The following GBF1 variants were observed in gnomAD, a reference collection of about 807,000 sequenced individuals.
GBF1 encodes golgi brefeldin A resistant guanine nucleotide exchange factor 1.
A neutral mutation model predicts 210.5 loss-of-function variants in GBF1; 114 were observed. The ratio of observed to expected loss-of-function variants is 0.54; its 90% confidence interval spans 0.47 to 0.63. The LOEUF (loss-of-function observed/expected upper bound fraction) is 0.63. Among genes scored for constraint, GBF1 ranks in the 30% least tolerant of loss-of-function variants. GBF1 has a pLI of 0.00. For synonymous variants in GBF1, 850 were observed against 889.2 expected (o/e 0.96, Z 0.78); for missense variants, 1,851 against 2,357.7 (o/e 0.79, Z 4.45).
At chr10:102,352,939 C>A (rs958655427) in intron 7 of GBF1, among the ~76,000 whole-genome samples, 1 of 152,086 alleles carries the variant, frequency 6.6e-6, no homozygotes, top group African/African-American at 2.4e-5. Context: ...CCTGGCAAAC[C>A]CCCCTCAGTC....
At chr10:102,275,375 A>C (rs1426393647) in intron 3 of GBF1, among the ~76,000 whole-genome samples, 2 of 152,162 alleles carry the variant, frequency 1.3e-5, no homozygotes, top group Non-Finnish European at 2.9e-5. Flanking sequence ...ACATTTCATC[A>C]TATATTTGTC....
chr10:102,231,882 C>G, the GBF1 span: 5 of 1,562,024 alleles, frequency 3.2e-6, no homozygotes, highest in East Asian at 1.1e-4. Context: ...CTGGCTCCCA[C>G]CGGGGCTGCC....
At chr10:102,338,914 G>A (rs2057970564) in intron 3 of GBF1, among the ~76,000 whole-genome samples, 1 of 152,092 alleles carries the variant, frequency 6.6e-6, no homozygotes, top group Non-Finnish European at 1.5e-5. Flanking sequence ...AAGATATCAT[G>A]TCTCCCCAAA....
At chr10:102,297,939 G>C (rs150581158) in intron 3 of GBF1, among the ~76,000 whole-genome samples, 2 of 151,908 alleles carry the variant, frequency 1.3e-5, no homozygotes, top group Non-Finnish European at 1.5e-5. Context: ...TTGGTTTTTG[G>C]TTTTGGTTTT....
chr10:102,363,578 G>A lies in GBF1; in HGVS notation c.2018-132G>A. ...AGTTGATAGGACTTCCAGGGAAGTG[G>A]AAGACTGGTGAGGACAAGATTTCTG... On this transcript the variant is annotated intron_variant, in intron 16 of 39. Coordinates refer to ENST00000369983, the MANE Select transcript of GBF1 (RefSeq NM_001377137.1). The surrounding 1 kb of genome is among the most constrained non-coding windows in gnomAD (Gnocchi z 4.2). 1 of 811,568 alleles carries A rather than the reference G, an allele frequency of 1.2e-6. No homozygotes were observed. 50.3% of individuals were successfully genotyped at this position (811,568 alleles called of 1,614,324 possible).
chr10:102,376,298 T>G lies in GBF1; in HGVS notation c.3913T>G (p.Ser1305Ala). ...GGCCCAGTCAGATAGTGAGCTCCCATCCTACCATCAGAATGACGTGAGCCT... is the reference window on the plus strand; with the variant it reads ...GGCCCAGTCAGATAGTGAGCTCCCAGCCTACCATCAGAATGACGTGAGCCT... ...AGAQSDSELPSYHQNDVSLDR... is the reference protein window; with the variant it reads ...AGAQSDSELPAYHQNDVSLDR... The change falls in exon 31 of 40, where the codon TCC becomes GCC. Residue 1305 changes from serine (S) to alanine (A), a missense_variant. Ser to Ala is a moderately conservative substitution (Grantham distance 99). Transcript: ENST00000369983. 2 of 1,613,984 alleles carry G rather than the reference T, an allele frequency of 1.2e-6. No individual in the cohort carries two copies. The highest frequency in any genetic ancestry group is 1.7e-6 in the Non-Finnish European group (2 of 1,179,934).
intron 3 of GBF1, among the ~76,000 whole-genome samples, chr10:102,305,175 TTGTGTGTGTGTGTG>T (rs60026956): frequency 5.5e-4 from 77 of 139,742 alleles, no homozygotes; most frequent in East Asian, 2.3e-3. Context: ...ATATGCAGAT[TTGTGTGTGTGTGTG>T]TGTGTGTGTG....
At chr10:102,267,611 T>C (rs773698078) in intron 3 of GBF1, among the ~76,000 whole-genome samples, 1 of 152,232 alleles carries the variant, frequency 6.6e-6, no homozygotes, top group Non-Finnish European at 1.5e-5. Flanking sequence ...CAGGGGTCTA[T>C]AGTTTAGGGA....
rs2135049644 is a variant in GBF1 at position 102,361,976 on chromosome 10, A to G, written c.1686+64A>G. The G allele has an allele frequency of 4.7e-6, 4 of 854,808 alleles. 1 individual carries two copies. The highest frequency in any genetic ancestry group is 6.9e-6 in the Non-Finnish European group (4 of 576,616). The allele number at this position is 854,808 out of a possible 1,614,324, so 53.0% of individuals were successfully genotyped here. ...TTATAAAGGAAATCTCCCTGGTGGT[A>G]GTGAGGATGTTACATACAGAGAGGG... On this transcript the variant is annotated intron_variant, in intron 14 of 39. Coordinates refer to ENST00000369983, the MANE Select transcript of GBF1 (RefSeq NM_001377137.1).
At chr10:102,262,313 T>C (rs2073339865) in intron 3 of GBF1, among the ~76,000 whole-genome samples, 1 of 152,166 alleles carries the variant, frequency 6.6e-6, no homozygotes, top group Non-Finnish European at 1.5e-5. Flanking sequence ...GGTACTTGAG[T>C]GCTTTAGAAT....
At chr10:102,288,002 C>T (rs374382137) in intron 3 of GBF1, among the ~76,000 whole-genome samples, 1 of 152,154 alleles carries the variant, frequency 6.6e-6, no homozygotes, top group Non-Finnish European at 1.5e-5. Flanking sequence ...TTCTCCCAAA[C>T]CTTTATGTCT....
upstream of GBF1, chr10:102,241,581 C>A (rs2070539813): frequency 6.6e-6 from 1 of 152,440 alleles, no homozygotes; most frequent in African/African-American, 2.4e-5. The surrounding 1 kb of genome is among the most constrained non-coding windows in gnomAD (Gnocchi z 6.7). Context: ...GCGAGCCGCG[C>A]GCGTCAGGCC....
upstream of GBF1, among the ~76,000 whole-genome samples, chr10:102,240,531 G>A (rs1476306408): frequency 6.6e-6 from 1 of 152,242 alleles, no homozygotes; most frequent in Non-Finnish European, 1.5e-5. Flanking sequence ...CAGCAGCTGG[G>A]CAGGCGCTGC....
At chr10:102,353,737 A>G in intron 8 of GBF1, 83 bp downstream of exon 8, 1 of 965,136 alleles carries the variant, frequency 1.0e-6, no homozygotes, top group East Asian at 2.4e-5. Flanking sequence ...CTTGCTTAGC[A>G]AAGATATGCT....
intron 3 of GBF1, among the ~76,000 whole-genome samples, chr10:102,266,439 G>A (rs1190009922): frequency 6.6e-6 from 1 of 152,104 alleles, no homozygotes; most frequent in African/African-American, 2.4e-5. Context: ...TACTTAGGAA[G>A]TGGGTCTGTA....
rs531825571 is a variant in GBF1 at position 102,260,744 on chromosome 10, T to C, written c.163+628T>C. Among the ~76,000 whole-genome samples, 383 of 152,074 alleles carry C rather than the reference T, an allele frequency of 2.5e-3. 1 individual carries two copies. The highest frequency in any genetic ancestry group is 4.0e-3 in the Non-Finnish European group (273 of 68,000). ...CCACTGCCTCGGCCTCTGAAAGTGCTGGGATTACAGGAATGAGCCACTGCG... is the reference window on the plus strand; with the variant it reads ...CCACTGCCTCGGCCTCTGAAAGTGCCGGGATTACAGGAATGAGCCACTGCG... On this transcript the variant is annotated intron_variant, in intron 3 of 39. Coordinates refer to ENST00000369983, the MANE Select transcript of GBF1 (RefSeq NM_001377137.1).
At chr10:102,301,133 C>G (rs1448912782) in intron 3 of GBF1, among the ~76,000 whole-genome samples, 3 of 152,042 alleles carry the variant, frequency 2.0e-5, no homozygotes, top group African/African-American at 7.2e-5. Flanking sequence ...CTGTGGCCTT[C>G]CGCAGTGTTT....
chr10:102,362,302 C>T (rs999491868), intron 14 of GBF1, among the ~76,000 whole-genome samples, 173 bp from the exon 15 acceptor site: 7 of 151,792 alleles, frequency 4.6e-5, no homozygotes, highest in Admixed American at 6.6e-5. Flanking sequence ...GTGATCCACC[C>T]GCCTCGGCCT....
intron 1 of GBF1, among the ~76,000 whole-genome samples, chr10:102,251,568 A>G (rs2071539777): frequency 6.6e-6 from 1 of 152,026 alleles, no homozygotes; most frequent in South Asian, 2.1e-4. Context: ...TCATTTATTT[A>G]TTTGAGGCAG....
Sources: allele counts gnomAD v4.1 joint callset (sites outside exome capture counted in the v4.1 genomes callset), GRCh38; gene constraint gnomAD v4.1.1; non-coding constraint Gnocchi (gnomAD v3.1); transcripts MANE v1.5; gene names NCBI Gene and HGNC (gene_info 2026-07-23, HGNC 2026-07-21).